NLGN1: variants seen among roughly 807,000 people sequenced by gnomAD.
The protein encoded by NLGN1 is neuroligin 1.
NLGN1 carries 12 observed loss-of-function variants against 65.5 expected under a neutral mutation model. That is an observed-to-expected ratio of 0.18 (90% confidence interval 0.12 to 0.30). NLGN1 has a LOEUF of 0.30. NLGN1 is among the 10% of genes least tolerant of loss of function. The probability of loss-of-function intolerance (pLI) is 1.00; values close to 1 mark genes in which losing one functional copy is unlikely to be tolerated. For synonymous variants in NLGN1, 350 were observed against 359.5 expected (o/e 0.97, Z 0.30); for missense variants, 750 against 1,007.1 (o/e 0.74, Z 3.46).
chr3:174,001,704 A>G (rs1417338513), intron 4 of NLGN1, among the ~76,000 whole-genome samples: 1 of 152,156 alleles, frequency 6.6e-6, no homozygotes. Flanking sequence ...TCCATGTACA[A>G]CAGTTAGCTG....
chr3:174,005,403 C>T (rs1332134366), intron 4 of NLGN1, among the ~76,000 whole-genome samples: 1 of 152,060 alleles, frequency 6.6e-6, no homozygotes, highest in Non-Finnish European at 1.5e-5. Flanking sequence ...AATGTAAGTG[C>T]CTGGCATGTA....
intron 1 of NLGN1, chr3:173,434,864 T>C (rs918482690): frequency 2.0e-5 from 3 of 152,660 alleles, no homozygotes; most frequent in African/African-American, 4.8e-5. Context: ...GCACATGCTT[T>C]AGAGGAAATT....
chr3:173,744,976 C>A lies in NLGN1; in HGVS notation c.494-62704C>A, dbSNP rs138619271. ...TGTTCCCAACATTGTTAATAGACCG[C>A]CTATCTTTCCTTGCACTTAACTGAA... On this transcript the variant is annotated intron_variant, in intron 3 of 6. Transcript: ENST00000457714. Among the ~76,000 whole-genome samples, 694 of 152,172 alleles carry A rather than the reference C, an allele frequency of 4.6e-3. 5 individuals carry two copies. The highest frequency in any genetic ancestry group is 0.016 in the African/African-American group (661 of 41,530).
At chr3:174,218,816 C>G (rs929401911) in intron 4 of NLGN1, among the ~76,000 whole-genome samples, 2 of 152,080 alleles carry the variant, frequency 1.3e-5, no homozygotes, top group Non-Finnish European at 2.9e-5. Flanking sequence ...GTTTCCCACT[C>G]TGTTCAGGGA....
chr3:173,643,414 T>C (rs967766984), intron 3 of NLGN1, among the ~76,000 whole-genome samples: 2 of 150,156 alleles, frequency 1.3e-5, no homozygotes, highest in Non-Finnish European at 2.9e-5. Context: ...AATAAGAGCA[T>C]ATAAAAATCA....
chr3:173,930,943 C>A (rs1270091860), intron 4 of NLGN1, among the ~76,000 whole-genome samples: 1 of 152,120 alleles, frequency 6.6e-6, no homozygotes, highest in African/African-American at 2.4e-5. Flanking sequence ...AGTACTACCT[C>A]CTCACTCACA....
chr3:173,924,299 G>C (rs1742604303), intron 4 of NLGN1, among the ~76,000 whole-genome samples: 2 of 151,862 alleles, frequency 1.3e-5, no homozygotes, highest in Non-Finnish European at 2.9e-5. Flanking sequence ...AAAATTTTAA[G>C]ACCTGATAAA....
At chr3:173,991,282 A>G (rs1032494799) in intron 4 of NLGN1, among the ~76,000 whole-genome samples, 1 of 152,192 alleles carries the variant, frequency 6.6e-6, no homozygotes, top group Non-Finnish European at 1.5e-5. Context: ...AATTTAATAG[A>G]AAATACCTTT....
chr3:173,561,233 T>C (rs1294487318), intron 2 of NLGN1, among the ~76,000 whole-genome samples: 1 of 152,250 alleles, frequency 6.6e-6, no homozygotes, highest in African/African-American at 2.4e-5. Context: ...ACATTTGATC[T>C]GTTTTAGCAA....
At chr3:174,059,406 G>A (rs1736895021) in intron 4 of NLGN1, among the ~76,000 whole-genome samples, 3 of 152,112 alleles carry the variant, frequency 2.0e-5, no homozygotes, top group African/African-American at 7.2e-5. Context: ...TGGTTTAAAA[G>A]TGAAACTGCT....
intron 3 of NLGN1, among the ~76,000 whole-genome samples, chr3:173,664,593 A>G (rs1560128041): frequency 6.6e-6 from 1 of 152,076 alleles, no homozygotes; most frequent in Non-Finnish European, 1.5e-5. Flanking sequence ...AAGGGAAAGG[A>G]AGTTTCCATT....
chr3:174,016,765 C>T (rs1222191185), intron 4 of NLGN1, among the ~76,000 whole-genome samples: 2 of 152,010 alleles, frequency 1.3e-5, no homozygotes, highest in Admixed American at 1.3e-4. Context: ...AATTGCGGGC[C>T]TTAGCAAGAG....
At chr3:173,463,226 C>G (rs1008803503) in intron 2 of NLGN1, among the ~76,000 whole-genome samples, 3 of 152,190 alleles carry the variant, frequency 2.0e-5, no homozygotes, top group Non-Finnish European at 2.9e-5. Flanking sequence ...CTGAATAATT[C>G]AAACTATACT....
intron 3 of NLGN1, among the ~76,000 whole-genome samples, chr3:173,745,581 A>G (rs1775241426): frequency 6.6e-6 from 1 of 152,052 alleles, no homozygotes; most frequent in Non-Finnish European, 1.5e-5. Context: ...AAGGTAGTAT[A>G]CATTGTTTGA....
intron 1 of NLGN1, among the ~76,000 whole-genome samples, chr3:173,398,911 A>G (rs1056245346): frequency 7.2e-5 from 11 of 152,164 alleles, no homozygotes; most frequent in African/African-American, 2.7e-4. Flanking sequence ...TCAATTATTA[A>G]TAGGATCATA....
intron 3 of NLGN1, among the ~76,000 whole-genome samples, chr3:173,758,659 C>A (rs902237376): frequency 6.6e-6 from 1 of 151,916 alleles, no homozygotes; most frequent in Non-Finnish European, 1.5e-5. Context: ...TATTCTTCAA[C>A]CAAAATAAAC....
At chr3:174,231,572 T>A (rs1041907028) in intron 4 of NLGN1, among the ~76,000 whole-genome samples, 2 of 152,164 alleles carry the variant, frequency 1.3e-5, no homozygotes, top group African/African-American at 4.8e-5. Flanking sequence ...AATACAGAAG[T>A]ACGCAGTCCT....
chr3:173,718,483 T>C (rs1182631881), intron 3 of NLGN1, among the ~76,000 whole-genome samples: 1 of 152,196 alleles, frequency 6.6e-6, no homozygotes, highest in Non-Finnish European at 1.5e-5. Context: ...AGTCACAAAT[T>C]AGTAAATCGA....
At chr3:173,679,645 A>G (rs1323665698) in intron 3 of NLGN1, among the ~76,000 whole-genome samples, 1 of 152,126 alleles carries the variant, frequency 6.6e-6, no homozygotes, top group Non-Finnish European at 1.5e-5. Context: ...TGATGAAAGG[A>G]TGGAGTAGAG....
Sources: gnomAD v4.1 joint callset for allele counts (sites outside exome capture counted in the v4.1 genomes callset) on GRCh38, gnomAD v4.1.1 for gene constraint, MANE v1.5 for transcripts, NCBI Gene and HGNC (gene_info 2026-07-23, HGNC 2026-07-21) for gene names.